Variants in BMAL2 observed in about 807,000 individuals in gnomAD.
The protein encoded by BMAL2 is basic helix-loop-helix ARNT like 2.
At chr12:27,364,898 T>A in the BMAL2 span, among the ~76,000 whole-genome samples, 1 of 152,168 alleles carries the variant, frequency 6.6e-6, no homozygotes, top group African/African-American at 2.4e-5. Flanking sequence ...TTGAGATTAT[T>A]ATAAATTCTA....
At chr12:27,398,115 C>T in the BMAL2 span, among the ~76,000 whole-genome samples, 2 of 152,210 alleles carry the variant, frequency 1.3e-5, no homozygotes, top group African/African-American at 4.8e-5. Flanking sequence ...GCCAGTGTTT[C>T]CTGGGACCAC....
the BMAL2 span, among the ~76,000 whole-genome samples, chr12:27,410,652 G>T: frequency 1.3e-5 from 2 of 152,048 alleles, no homozygotes; most frequent in African/African-American, 4.8e-5. Flanking sequence ...GTTAAATGAA[G>T]AGTTAATGGG....
chr12:27,406,409 A>G, the BMAL2 span, among the ~76,000 whole-genome samples: 1 of 152,256 alleles, frequency 6.6e-6, no homozygotes, highest in Non-Finnish European at 1.5e-5. Flanking sequence ...CAGAAACTCT[A>G]CAGGCCAGAA....
At chr12:27,405,643 G>T in the BMAL2 span, among the ~76,000 whole-genome samples, 1 of 152,100 alleles carries the variant, frequency 6.6e-6, no homozygotes, top group Non-Finnish European at 1.5e-5. Flanking sequence ...CCACAAAGAT[G>T]GGGAAAAAAC....
At chr12:27,353,793 C>T in the BMAL2 span, among the ~76,000 whole-genome samples, 1 of 152,078 alleles carries the variant, frequency 6.6e-6, no homozygotes, top group Non-Finnish European at 1.5e-5. Context: ...AGAAGACATA[C>T]ATGCAGCCAA....
At chr12:27,390,065 A>G in the BMAL2 span, 1 of 1,606,864 alleles carries the variant, frequency 6.2e-7, no homozygotes, top group African/African-American at 1.3e-5. Flanking sequence ...ATTCTTTTCC[A>G]CCTATTCTCT....
the BMAL2 span, chr12:27,400,779 A>G: frequency 5.0e-6 from 8 of 1,598,878 alleles, no homozygotes; most frequent in Non-Finnish European, 6.8e-6. Context: ...TCAAAGGTAA[A>G]CATTTACATG....
At chr12:27,386,053 A>G in the BMAL2 span, among the ~76,000 whole-genome samples, 7 of 152,138 alleles carry the variant, frequency 4.6e-5, no homozygotes, top group African/African-American at 1.7e-4. Flanking sequence ...CTCGGAGGTG[A>G]TAAATGTCTT....
the BMAL2 span, among the ~76,000 whole-genome samples, chr12:27,384,447 T>C: frequency 6.6e-6 from 1 of 152,218 alleles, no homozygotes; most frequent in African/African-American, 2.4e-5. Context: ...ATTTTCTTAC[T>C]GGAAAATCTC....
At chr12:27,346,567 C>A in the BMAL2 span, among the ~76,000 whole-genome samples, 2 of 152,092 alleles carry the variant, frequency 1.3e-5, no homozygotes, top group Admixed American at 1.3e-4. Flanking sequence ...CCGGCCTAAA[C>A]CTTTGTTTTT....
the BMAL2 span, among the ~76,000 whole-genome samples, chr12:27,420,019 G>GCGCGCGCGCGCGCACACACA: frequency 1.4e-5 from 2 of 147,478 alleles, no homozygotes; most frequent in African/African-American, 5.0e-5. Context: ...GTTTGCGCGT[G>GCGCGCGCGCGCGCACACACA]CACACACACA....
At chr12:27,353,763 A>G in the BMAL2 span, among the ~76,000 whole-genome samples, 3 of 152,238 alleles carry the variant, frequency 2.0e-5, no homozygotes, top group East Asian at 1.9e-4. Context: ...GGCAAAGGGC[A>G]TAAACAGACA....
the BMAL2 span, chr12:27,376,454 A>G: frequency 2.7e-5 from 39 of 1,450,804 alleles, no homozygotes; most frequent in Non-Finnish European, 3.4e-5. Context: ...CCTGTAGCCT[A>G]AGGCAAAGGT....
chr12:27,342,185 A>G, the BMAL2 span, among the ~76,000 whole-genome samples: 1 of 152,142 alleles, frequency 6.6e-6, no homozygotes, highest in Non-Finnish European at 1.5e-5. Context: ...TGATCTGCCC[A>G]CCTTGGCCTC....
At chr12:27,343,792 G>A in the BMAL2 span, among the ~76,000 whole-genome samples, 2 of 152,078 alleles carry the variant, frequency 1.3e-5, no homozygotes, top group Non-Finnish European at 2.9e-5. Flanking sequence ...TGAAATGCTG[G>A]CCTTTTCTGG....
At chr12:27,345,628 G>C in the BMAL2 span, among the ~76,000 whole-genome samples, 1 of 152,094 alleles carries the variant, frequency 6.6e-6, no homozygotes, top group South Asian at 2.1e-4. Flanking sequence ...TGGAGTGGCT[G>C]GTGTCACAGA....
At chr12:27,376,456 G>C in the BMAL2 span, 1 of 1,430,738 alleles carries the variant, frequency 7.0e-7, no homozygotes, top group Non-Finnish European at 9.8e-7. Context: ...TGTAGCCTAA[G>C]GCAAAGGTGA....
the BMAL2 span, among the ~76,000 whole-genome samples, chr12:27,394,258 C>T: frequency 6.6e-6 from 1 of 152,126 alleles, no homozygotes; most frequent in African/African-American, 2.4e-5. Flanking sequence ...TCTGCAGACC[C>T]TGGACATTGA....
chr12:27,414,425 T>C, the BMAL2 span, among the ~76,000 whole-genome samples: 1 of 152,132 alleles, frequency 6.6e-6, no homozygotes, highest in Non-Finnish European at 1.5e-5. Flanking sequence ...TCTTAAAAAA[T>C]TTAAGAGCAT....
Sources: allele counts gnomAD v4.1 joint callset (sites outside exome capture counted in the v4.1 genomes callset), GRCh38; gene constraint gnomAD v4.1.1; transcripts MANE v1.5; gene names NCBI Gene and HGNC (gene_info 2026-07-23, HGNC 2026-07-21).